The following FHIT variants were observed in gnomAD, a reference collection of about 807,000 sequenced individuals.
FHIT encodes fragile histidine triad diadenosine triphosphatase.
Under a neutral mutation model 17.9 loss-of-function variants are expected in FHIT, and 19 were observed. The ratio of observed to expected loss-of-function variants is 1.06; its 90% CI spans 0.74 to 1.56. The LOEUF is 1.56. Ranked by LOEUF, FHIT falls within the 40% of genes most tolerant of loss-of-function variation. FHIT has a pLI of 0.00. For missense variants in FHIT, 248 were observed against 189.2 expected (o/e 1.31, Z -1.82); for synonymous variants, 81 against 69.7 (o/e 1.16, Z -0.81).
intron 5 of FHIT, among the ~76,000 whole-genome samples, chr3:60,233,855 C>G (rs1704626872): frequency 6.6e-6 from 1 of 152,104 alleles, no homozygotes; most frequent in Non-Finnish European, 1.5e-5. Context: ...GTACTTACAT[C>G]TTGCCTGCCG....
chr3:60,042,353 G>A (rs1701475636), intron 5 of FHIT, among the ~76,000 whole-genome samples: 1 of 152,102 alleles, frequency 6.6e-6, no homozygotes, highest in Non-Finnish European at 1.5e-5. Flanking sequence ...AGTTTGCTAG[G>A]ACGAGCATAA....
chr3:60,543,327 G>C (rs1019351203), intron 4 of FHIT, among the ~76,000 whole-genome samples: 2 of 152,024 alleles, frequency 1.3e-5, no homozygotes, highest in African/African-American at 4.8e-5. Context: ...TCCTCTTTCT[G>C]TATTTATTAT....
At chr3:61,217,648 C>T (rs1484502720) in intron 1 of FHIT, among the ~76,000 whole-genome samples, 3 of 152,126 alleles carry the variant, frequency 2.0e-5, no homozygotes, top group Non-Finnish European at 4.4e-5. Context: ...GAGGGAGTGT[C>T]TGTTACACTG....
chr3:60,390,169 T>C (rs919815566), intron 5 of FHIT, among the ~76,000 whole-genome samples: 2 of 152,138 alleles, frequency 1.3e-5, no homozygotes, highest in African/African-American at 4.8e-5. Flanking sequence ...GTTTTAAATT[T>C]GTCAAATGAA....
intron 5 of FHIT, among the ~76,000 whole-genome samples, chr3:60,048,749 G>A (rs989737944): frequency 2.0e-5 from 3 of 152,190 alleles, no homozygotes; most frequent in Admixed American, 2.0e-4. Flanking sequence ...AAGAGTGAAA[G>A]GCTTTCAGGT....
chr3:60,154,745 T>A (rs1700606082), intron 5 of FHIT, among the ~76,000 whole-genome samples: 1 of 152,176 alleles, frequency 6.6e-6, no homozygotes, highest in African/African-American at 2.4e-5. Flanking sequence ...TTCTACTACA[T>A]AATCTCTGTG....
At chr3:60,510,573 A>C (rs1467885855) in intron 5 of FHIT, among the ~76,000 whole-genome samples, 1 of 152,052 alleles carries the variant, frequency 6.6e-6, no homozygotes, top group Non-Finnish European at 1.5e-5. Context: ...TGGACTAGGA[A>C]GAATTTCATT....
chr3:61,006,406 A>G (rs918798620), intron 3 of FHIT, among the ~76,000 whole-genome samples: 3 of 152,194 alleles, frequency 2.0e-5, no homozygotes, highest in Admixed American at 6.5e-5. Flanking sequence ...AACAAATGCT[A>G]AAAAGCAAAA....
chr3:59,861,630 T>C (rs2106848455), intron 8 of FHIT, among the ~76,000 whole-genome samples: 1 of 152,298 alleles, frequency 6.6e-6, no homozygotes. Context: ...TAAAGGAAGG[T>C]GATGAATTGC....
intron 3 of FHIT, among the ~76,000 whole-genome samples, chr3:60,927,570 G>T (rs1707701569): frequency 6.6e-6 from 1 of 152,038 alleles, no homozygotes; most frequent in Non-Finnish European, 1.5e-5. Context: ...CATCATCTGG[G>T]ATGTGGGGAG....
At chr3:60,029,152 T>A (rs191591729) in intron 5 of FHIT, among the ~76,000 whole-genome samples, 98 of 152,344 alleles carry the variant, frequency 6.4e-4, no homozygotes, top group African/African-American at 2.3e-3. Flanking sequence ...TATTTTTCTA[T>A]TTCTTTATAC....
At chr3:60,444,774 A>G (rs1186412013) in intron 5 of FHIT, among the ~76,000 whole-genome samples, 2 of 151,994 alleles carry the variant, frequency 1.3e-5, no homozygotes, top group Admixed American at 1.3e-4. Context: ...CAGCACACCA[A>G]CATGGCACAT....
At chr3:61,035,891 T>TA (rs1327126733) in intron 3 of FHIT, among the ~76,000 whole-genome samples, 1 of 152,202 alleles carries the variant, frequency 6.6e-6, no homozygotes, top group Non-Finnish European at 1.5e-5. Context: ...TTCCAATAGA[T>TA]AAAATCCCTC....
At chr3:60,388,576 G>C (rs1409142048) in intron 5 of FHIT, among the ~76,000 whole-genome samples, 3 of 152,126 alleles carry the variant, frequency 2.0e-5, no homozygotes, top group Non-Finnish European at 2.9e-5. Flanking sequence ...ACTCCAGCCT[G>C]GGTGATAGAG....
intron 3 of FHIT, among the ~76,000 whole-genome samples, chr3:61,016,836 T>G (rs896978994): frequency 6.6e-6 from 1 of 152,344 alleles, no homozygotes; most frequent in Middle Eastern, 3.4e-3. Context: ...AAACTCTATC[T>G]GTTCTGAAAG....
chr3:60,457,402 C>T (rs1355076031), intron 5 of FHIT, among the ~76,000 whole-genome samples: 1 of 152,048 alleles, frequency 6.6e-6, no homozygotes, highest in Non-Finnish European at 1.5e-5. Context: ...AACTGGATCC[C>T]TTCCTTACAC....
chr3:60,521,095 G>A (rs2035341494), intron 5 of FHIT, among the ~76,000 whole-genome samples: 1 of 151,950 alleles, frequency 6.6e-6, no homozygotes. Context: ...CAGTTGCTAT[G>A]TGATGTTCAC....
chr3:60,356,736 T>A (rs919704413), intron 5 of FHIT, among the ~76,000 whole-genome samples: 1 of 58,354 alleles, frequency 1.7e-5, no homozygotes, highest in East Asian at 5.0e-4. Context: ...GGCTATTATA[T>A]AGCAGGAAGA....
intron 5 of FHIT, among the ~76,000 whole-genome samples, chr3:60,373,121 C>A (rs1205979707): frequency 2.0e-5 from 3 of 152,148 alleles, no homozygotes; most frequent in African/African-American, 7.2e-5. Flanking sequence ...TGAGACCCTA[C>A]CTTGCCTTCA....
Sources: allele counts gnomAD v4.1 joint callset (sites outside exome capture counted in the v4.1 genomes callset), GRCh38; gene constraint gnomAD v4.1.1; transcripts MANE v1.5; gene names NCBI Gene and HGNC (gene_info 2026-07-23, HGNC 2026-07-21).